RANBP3: variants seen among roughly 807,000 people sequenced by gnomAD.
RANBP3 encodes RAN binding protein 3.
A neutral mutation model predicts 77.3 loss-of-function variants in RANBP3; 14 were observed. That is an observed-to-expected ratio of 0.18 (90% CI 0.12 to 0.28). The LOEUF is 0.28. RANBP3 is among the 10% of genes least tolerant of loss of function. RANBP3 has a pLI of 1.00. For synonymous variants in RANBP3, 315 were observed against 312.4 expected (o/e 1.01, Z -0.09); for missense variants, 586 against 752.3 (o/e 0.78, Z 2.59).
In RANBP3 at chr19:5,932,492, T is replaced by C; in HGVS notation, c.525A>G (p.Ala175=). The stretch of plus-strand genomic sequence containing the variant: ...CCTTTGGCTGCGGAGCTTGTAACAC[T>C]GCCGGGCGAAGCACGCTCCGCTGCT... The part of the protein sequence containing the change: ...KEQQRSVLRP[A]VLQAPQPKAL... Residue 175 remains alanine, a synonymous_variant, in exon 7 of 17, where the codon GCA becomes GCG. Coordinates refer to ENST00000340578, the MANE Select transcript of RANBP3 (RefSeq NM_007322.3). 6.2e-7 allele frequency: 1 copy of C among 1,613,880 alleles called. No homozygotes were observed. Among genetic ancestry groups the C allele is most frequent in the East Asian group, 2.2e-5 (1 of 44,878 alleles).
At chr19:5,951,300 T>C in intron 3 of RANBP3, 93 bp downstream of exon 3, 2 of 1,177,346 alleles carry the variant, frequency 1.7e-6, no homozygotes, top group Non-Finnish European at 2.5e-6. Context: ...TACAATTAGC[T>C]AGGGCCAGGA....
intron 5 of RANBP3, among the ~76,000 whole-genome samples, chr19:5,937,744 G>A (rs948982689): frequency 1.1e-4 from 16 of 147,260 alleles, no homozygotes; most frequent in African/African-American, 2.8e-4. Flanking sequence ...ACCATGCCGC[G>A]TCGGGGCCTG....
At chr19:5,923,023 T>TA (rs1227911164) in intron 13 of RANBP3, among the ~76,000 whole-genome samples, 171 bp downstream of exon 13, 1 of 152,200 alleles carries the variant, frequency 6.6e-6, no homozygotes, top group Non-Finnish European at 1.5e-5. Flanking sequence ...CCCCTGAGCC[T>TA]AAGCTCTCTC....
rs556115595 is a variant in RANBP3, at chr19:5,967,968, G to T, written c.23-9995C>A. 9.2e-5 allele frequency among the ~76,000 whole-genome samples: 14 copies of T among 152,154 alleles called. No individual in the cohort carries two copies. The South Asian group carries it at 2.7e-3, about 29-fold the overall frequency. Reference sequence around the variant, plus strand: ...GGAGGTGGAGGTTGCAGTGAGCTGAGATAGCACCACTGCACTCCAGCCTGG... The same window carrying T: ...GGAGGTGGAGGTTGCAGTGAGCTGATATAGCACCACTGCACTCCAGCCTGG... On this transcript the variant is annotated intron_variant, in intron 1 of 16. Transcript: ENST00000340578.
At position 5,932,575 on chromosome 19, in the gene RANBP3, C is replaced by T. The variant is rs369951085; in HGVS notation, c.473-31G>A. On this transcript the variant is annotated intron_variant, in intron 6 of 16. Coordinates refer to ENST00000340578, the MANE Select transcript of RANBP3 (RefSeq NM_007322.3). ...AACAGAAGGCGGCCTTCCCAGTGCC[C>T]GTGGACCCCTGCCTGCCCCCAGGCG... 24 of 1,584,108 alleles carry T rather than the reference C, an allele frequency of 1.5e-5. No individual in the cohort carries two copies. In the African/African-American group the frequency reaches 3.1e-4, roughly 20 times the overall value.
In RANBP3 at chr19:5,917,591, G is replaced by C. The variant is rs1411919326; in HGVS notation, c.*19C>G. 4.4e-6 allele frequency: 7 copies of C among 1,579,598 alleles called. No individual in the cohort carries two copies. Among genetic ancestry groups the C allele is most frequent in the Admixed American group, 1.8e-5 (1 of 56,540 alleles). ...GACGGACAAAGCAGCAGCCTGGTGTGCAGCCGGGCTCCCGGCCGCTATGTG... is the reference window on the plus strand; with the variant it reads ...GACGGACAAAGCAGCAGCCTGGTGTCCAGCCGGGCTCCCGGCCGCTATGTG... On this transcript the variant is annotated 3_prime_UTR_variant, in exon 17 of 17. Transcript: ENST00000340578.
intron 3 of RANBP3, among the ~76,000 whole-genome samples, chr19:5,945,956 C>T (rs531008536): frequency 6.6e-6 from 1 of 152,202 alleles, no homozygotes; most frequent in Admixed American, 6.5e-5. Flanking sequence ...CCCCCGAGAA[C>T]GTACCTTTCC....
intron 1 of RANBP3, 25 bp from the exon 2 acceptor site, chr19:5,957,998 T>G: frequency 6.2e-7 from 1 of 1,612,700 alleles, no homozygotes; most frequent in Non-Finnish European, 8.5e-7. Context: ...ATTAGTTTTT[T>G]TCCCCCCAAC....
At chr19:5,936,330 C>G (rs1044952105) in intron 5 of RANBP3, among the ~76,000 whole-genome samples, 1 of 152,200 alleles carries the variant, frequency 6.6e-6, no homozygotes, top group Non-Finnish European at 1.5e-5. Context: ...CCCACGTGCC[C>G]CTGGCGTCAT....
Position 5,921,482 on chromosome 19 carries a change from A to G in RANBP3, c.1210-161T>C, listed in dbSNP as rs1440512751. Among the ~76,000 whole-genome samples the G allele has an allele frequency of 6.6e-6, 1 of 152,216 alleles. No individual in the cohort carries two copies. Among genetic ancestry groups the G allele is most frequent in the African/African-American group, 2.4e-5 (1 of 41,458 alleles). Reference sequence around the variant, plus strand: ...TTTTGTCCTGCCCTCAAGCTAGAACAGGCTTTACATTGTATAAGGGGTATC... The same window carrying G: ...TTTTGTCCTGCCCTCAAGCTAGAACGGGCTTTACATTGTATAAGGGGTATC... On this transcript the variant is annotated intron_variant, in intron 13 of 16. Coordinates refer to ENST00000340578, the MANE Select transcript of RANBP3 (RefSeq NM_007322.3). This position sits in a 1 kb window ranked among gnomAD's most constrained non-coding sequence, Gnocchi z 5.3.
rs567696318 is a variant in RANBP3 at position 5,952,569 on chromosome 19, G to A, written c.79-973C>T. On this transcript the variant is annotated intron_variant, in intron 2 of 16. Coordinates refer to ENST00000340578, the MANE Select transcript of RANBP3 (RefSeq NM_007322.3). The surrounding 1 kb of genome is among the most constrained non-coding windows in gnomAD (Gnocchi z 4.1). ...CCTCTTGGCATCGTCCAACGACATG[G>A]AGCCATTTCTCGCACTCGGTGACCT... is the stretch of plus-strand genomic sequence containing the variant. 2.3e-4 allele frequency among the ~76,000 whole-genome samples: 35 copies of A among 152,320 alleles called. No individual in the cohort carries two copies. In the South Asian group the frequency reaches 7.3e-3, roughly 32 times the overall value.
Position 5,917,291 on chromosome 19 carries a change from G to A in RANBP3, c.*319C>T, listed in dbSNP as rs1042051697. 1.4e-5 allele frequency: 6 copies of A among 418,642 alleles called. No individual in the cohort carries two copies. Among genetic ancestry groups the A allele is most frequent in the Admixed American group, 4.3e-5 (1 of 23,070 alleles). 25.9% of individuals were successfully genotyped at this position (418,642 alleles called of 1,614,324 possible). ...CTGGACCCAGAGGCTGGCGACACGC[G>A]GGGTGAAGGAACGAGGTCTCCAGTC... On this transcript the variant is annotated 3_prime_UTR_variant, in exon 17 of 17. Transcript: ENST00000340578.
At position 5,921,041 on chromosome 19, in the gene RANBP3, G is replaced by A. The variant is rs2057811321; in HGVS notation, c.1330+160C>T. On this transcript the variant is annotated intron_variant, in intron 14 of 16. Transcript: ENST00000340578. The surrounding 1 kb of genome is among the most constrained non-coding windows in gnomAD (Gnocchi z 5.3). ...GGTGGTGTTGAGGGCTGGGTGCAGGGAGGGGGTTTGGGGGGCGGCTCTCAT... is the reference window on the plus strand; with the variant it reads ...GGTGGTGTTGAGGGCTGGGTGCAGGAAGGGGGTTTGGGGGGCGGCTCTCAT... The A allele has an allele frequency of 4.9e-6, 4 of 816,742 alleles. No individual in the cohort carries two copies. Among genetic ancestry groups the A allele is most frequent in the South Asian group, 2.2e-5 (1 of 45,468 alleles). 50.6% of individuals were successfully genotyped at this position (816,742 alleles called of 1,614,324 possible).
chr19:5,932,337 G>T, intron 7 of RANBP3, 115 bp downstream of exon 7: 3 of 790,040 alleles, frequency 3.8e-6, no homozygotes, highest in Non-Finnish European at 4.2e-6. Flanking sequence ...TGATCTCTCT[G>T]TATTTCTGGT....
At chr19:5,923,161 C>G (rs374805186) in intron 13 of RANBP3, 33 bp downstream of exon 13, 2 of 1,588,008 alleles carry the variant, frequency 1.3e-6, no homozygotes, top group Non-Finnish European at 1.7e-6. Flanking sequence ...GCATGGAAGA[C>G]CCAGGGCCAC....
At chr19:5,953,060 G>A (rs2058294489) in intron 2 of RANBP3, among the ~76,000 whole-genome samples, 2 of 152,164 alleles carry the variant, frequency 1.3e-5, no homozygotes, top group South Asian at 2.1e-4. Context: ...CATCCTCATG[G>A]TAATTCAAAA....
chr19:5,923,131 T>C, intron 13 of RANBP3, 63 bp downstream of exon 13: 2 of 1,329,288 alleles, frequency 1.5e-6, no homozygotes, highest in Non-Finnish European at 2.1e-6. Context: ...GGCCCAGCCC[T>C]TGCGGTTGGA....
At chr19:5,947,184 C>CA (rs2058216101) in intron 3 of RANBP3, among the ~76,000 whole-genome samples, 2 of 151,874 alleles carry the variant, frequency 1.3e-5, no homozygotes, top group Non-Finnish European at 2.9e-5. Context: ...CATGGTGGTG[C>CA]ATGCCTGTAA....
intron 1 of RANBP3, among the ~76,000 whole-genome samples, chr19:5,967,332 A>G (rs1353598863): frequency 6.6e-6 from 1 of 152,144 alleles, no homozygotes; most frequent in Admixed American, 6.5e-5. Flanking sequence ...TTCTTTCTGG[A>G]ATGCTCATCA....
Sources: gnomAD v4.1 joint callset for allele counts (sites outside exome capture counted in the v4.1 genomes callset) on GRCh38, gnomAD v4.1.1 for gene constraint, Gnocchi (gnomAD v3.1) non-coding constraint, MANE v1.5 for transcripts, NCBI Gene and HGNC (gene_info 2026-07-23, HGNC 2026-07-21) for gene names.